RBFOX3: variants seen among roughly 807,000 people sequenced by gnomAD.
RBFOX3 encodes RNA binding protein fox-1 homolog 3.
Under a neutral mutation model 48.7 loss-of-function variants are expected in RBFOX3, and 17 were observed. The ratio of observed to expected loss-of-function variants is 0.35; its 90% CI spans 0.24 to 0.52. The LOEUF (loss-of-function observed/expected upper bound fraction) is 0.52, where lower values mean the gene tolerates loss of function less well. Ranked by LOEUF, RBFOX3 falls within the 20% of genes least tolerant of loss-of-function variation. The probability of loss-of-function intolerance (pLI) is 0.94; values close to 1 mark genes in which losing one functional copy is unlikely to be tolerated. For missense variants in RBFOX3, 382 were observed against 497.5 expected (o/e 0.77, Z 2.21); for synonymous variants, 212 against 209.5 (o/e 1.01, Z -0.10).
At chr17:79,269,754 C>G (rs895476634) in intron 3 of RBFOX3, among the ~76,000 whole-genome samples, 17 of 150,482 alleles carry the variant, frequency 1.1e-4, no homozygotes, top group African/African-American at 4.3e-4. Flanking sequence ...AGTGTCAACA[C>G]CCTGTCTTTC....
At chr17:79,131,425 A>G (rs1271362929) in intron 4 of RBFOX3, among the ~76,000 whole-genome samples, 1 of 152,140 alleles carries the variant, frequency 6.6e-6, no homozygotes, top group Non-Finnish European at 1.5e-5. Flanking sequence ...ACCTCCACCC[A>G]CAGACGCGGC....
chr17:79,572,367 C>T (rs2092705801), intron 1 of RBFOX3, among the ~76,000 whole-genome samples: 1 of 152,196 alleles, frequency 6.6e-6, no homozygotes, highest in Admixed American at 6.5e-5. Flanking sequence ...AGGCAAGGTC[C>T]CTGTGTCCAG....
At chr17:79,246,006 G>A (rs191620391) in intron 3 of RBFOX3, among the ~76,000 whole-genome samples, 154 of 151,624 alleles carry the variant, frequency 1.0e-3, no homozygotes, top group Non-Finnish European at 1.7e-3. Flanking sequence ...CTTCAGCCAC[G>A]AGCATGTCAG....
intron 4 of RBFOX3, among the ~76,000 whole-genome samples, chr17:79,187,819 G>A (rs945190414): frequency 2.0e-5 from 3 of 152,186 alleles, no homozygotes; most frequent in African/African-American, 7.2e-5. Context: ...CACGGGGCAA[G>A]GTCAGGCTGG....
intron 2 of RBFOX3, among the ~76,000 whole-genome samples, chr17:79,433,622 G>A (rs1309927725): frequency 5.3e-5 from 8 of 152,174 alleles, no homozygotes; most frequent in African/African-American, 1.2e-4. Context: ...CCGATTCCAC[G>A]TGAGCAGGAC....
intron 4 of RBFOX3, among the ~76,000 whole-genome samples, chr17:79,197,025 C>T (rs2055737025): frequency 6.6e-6 from 1 of 152,182 alleles, no homozygotes; most frequent in Non-Finnish European, 1.5e-5. Flanking sequence ...GTAGTAGGCA[C>T]TGGGGCTGCT....
At chr17:79,194,773 T>C (rs1027329206) in intron 4 of RBFOX3, among the ~76,000 whole-genome samples, 1 of 151,166 alleles carries the variant, frequency 6.6e-6, no homozygotes. Context: ...TGTGTGTGTG[T>C]GTGTGTGAAA....
intron 2 of RBFOX3, among the ~76,000 whole-genome samples, chr17:79,310,552 A>C (rs538508574): frequency 1.7e-4 from 26 of 151,768 alleles, no homozygotes; most frequent in Non-Finnish European, 3.4e-4. Context: ...CTTCTAGGAC[A>C]GTCAGCAGTG....
chr17:79,327,639 C>CT (rs1156569045), intron 2 of RBFOX3, among the ~76,000 whole-genome samples: 12 of 152,346 alleles, frequency 7.9e-5, no homozygotes, highest in Admixed American at 3.3e-4. Context: ...TCACCTGTGG[C>CT]TTTTTCACCT....
intron 2 of RBFOX3, among the ~76,000 whole-genome samples, chr17:79,476,549 G>A (rs1223207814): frequency 6.6e-6 from 1 of 152,256 alleles, no homozygotes; most frequent in African/African-American, 2.4e-5. Flanking sequence ...CAAACCCCAC[G>A]CCAGTCAGTT....
intron 3 of RBFOX3, 113 bp downstream of exon 3, chr17:79,307,611 C>G (rs2076269090): frequency 6.5e-6 from 1 of 153,792 alleles, no homozygotes; most frequent in South Asian, 2.1e-4. Context: ...CTGCAGACAC[C>G]CTCACGCATC....
intron 2 of RBFOX3, among the ~76,000 whole-genome samples, chr17:79,378,381 G>C (rs528354948): frequency 6.6e-6 from 1 of 152,362 alleles, no homozygotes; most frequent in South Asian, 2.1e-4. Context: ...TAACACATGA[G>C]TTAGACACAG....
At chr17:79,415,914 C>A (rs1197788882) in intron 2 of RBFOX3, among the ~76,000 whole-genome samples, 3 of 152,096 alleles carry the variant, frequency 2.0e-5, no homozygotes, top group Non-Finnish European at 1.5e-5. Flanking sequence ...GGAGCAGGCC[C>A]CTCCCACCTC....
intron 1 of RBFOX3, among the ~76,000 whole-genome samples, chr17:79,607,875 C>T (rs2093870999): frequency 6.6e-6 from 1 of 152,214 alleles, no homozygotes; most frequent in Non-Finnish European, 1.5e-5. Context: ...TCCATTTCAC[C>T]GATGCGCCAT....
intron 4 of RBFOX3, among the ~76,000 whole-genome samples, chr17:79,208,723 G>A (rs989857218): frequency 3.9e-5 from 6 of 152,198 alleles, no homozygotes; most frequent in South Asian, 2.1e-4. Flanking sequence ...TATTCTGACC[G>A]TGTCCCCACG....
At chr17:79,543,620 TAAAC>T (rs1447673938) in intron 1 of RBFOX3, among the ~76,000 whole-genome samples, 1 of 151,992 alleles carries the variant, frequency 6.6e-6, no homozygotes, top group Non-Finnish European at 1.5e-5. Context: ...GGAAAAGGAA[TAAAC>T]AAACAAGCTG....
chr17:79,227,549 GAGA>G (rs2060455735), intron 4 of RBFOX3, among the ~76,000 whole-genome samples: 1 of 152,250 alleles, frequency 6.6e-6, no homozygotes, highest in African/African-American at 2.4e-5. Flanking sequence ...CTCTGCCATA[GAGA>G]AGGATTCAGC....
At chr17:79,150,063 A>AGG (rs2044063914) in intron 4 of RBFOX3, among the ~76,000 whole-genome samples, 1 of 12,022 alleles carries the variant, frequency 8.3e-5, no homozygotes, top group Non-Finnish European at 1.5e-4. Context: ...ATGGGGGTTG[A>AGG]GGGTGGGGGT....
intron 3 of RBFOX3, among the ~76,000 whole-genome samples, chr17:79,267,931 C>G (rs2066991507): frequency 6.6e-6 from 1 of 152,180 alleles, no homozygotes; most frequent in African/African-American, 2.4e-5. Context: ...CTTGATGGCT[C>G]TGGGCTCTAT....
Sources: gnomAD v4.1 joint callset for allele counts (sites outside exome capture counted in the v4.1 genomes callset) on GRCh38, gnomAD v4.1.1 for gene constraint, MANE v1.5 for transcripts, NCBI Gene and HGNC (gene_info 2026-07-23, HGNC 2026-07-21) for gene names.